Variants in GUCY2F observed in about 807,000 individuals in gnomAD.
The protein encoded by GUCY2F is guanylate cyclase 2F, retinal, also known as retinal guanylyl cyclase 2.
GUCY2F carries 61 observed loss-of-function variants against 73.1 expected under a neutral mutation model. The observed-to-expected ratio is 0.83, with a 90% CI of 0.68 to 1.03. The LOEUF (loss-of-function observed/expected upper bound fraction) is 1.03, where lower values mean the gene tolerates loss of function less well. GUCY2F is among the 50% of genes least tolerant of loss of function. The pLI is 0.00. For synonymous variants in GUCY2F, 331 were observed against 307.8 expected (o/e 1.08, Z -0.79); for missense variants, 912 against 854.3 (o/e 1.07, Z -0.84).
At chrX:109,390,430 T>C (rs1930533440) in intron 14 of GUCY2F, among the ~76,000 whole-genome samples, 1 of 112,012 alleles carries the variant, frequency 8.9e-6, no homozygotes, top group African/African-American at 3.2e-5. Flanking sequence ...AGTTTGGTCA[T>C]TTGCTGCTGG....
At chrX:109,400,225 G>A (rs565800951) in intron 10 of GUCY2F, among the ~76,000 whole-genome samples, 3 of 109,721 alleles carry the variant, frequency 2.7e-5, no homozygotes, top group African/African-American at 1.0e-4. Flanking sequence ...ATGGGGGTGG[G>A]GGTAGTAGCA....
At chrX:109,469,620 C>T in intron 2 of GUCY2F, among the ~76,000 whole-genome samples, 1 of 110,947 alleles carries the variant, frequency 9.0e-6, no homozygotes. Context: ...TTCATTTGAA[C>T]AGTTGCTAAC....
intron 10 of GUCY2F, among the ~76,000 whole-genome samples, chrX:109,403,611 T>G (rs981251293): frequency 2.7e-5 from 3 of 111,987 alleles, no homozygotes; most frequent in African/African-American, 9.7e-5. Context: ...TCCCCAAAAC[T>G]TTGGTAGTGC....
intron 2 of GUCY2F, among the ~76,000 whole-genome samples, chrX:109,470,366 C>T (rs930181992): frequency 1.8e-5 from 2 of 111,675 alleles, no homozygotes; most frequent in Non-Finnish European, 3.8e-5. Flanking sequence ...TTACATTATA[C>T]CAAATCCTAT....
chrX:109,427,290 G>T (rs1276007985), intron 8 of GUCY2F, among the ~76,000 whole-genome samples: 1 of 112,206 alleles, frequency 8.9e-6, no homozygotes, highest in Non-Finnish European at 1.9e-5. Context: ...TCTAACAACT[G>T]AGAATTTCCT....
chrX:109,391,742 A>G (rs1324800727), intron 14 of GUCY2F, among the ~76,000 whole-genome samples, 169 bp downstream of exon 14: 12 of 111,704 alleles, frequency 1.1e-4, no homozygotes, highest in Non-Finnish European at 3.8e-5. Flanking sequence ...CATGCATTCT[A>G]CCCGGCTCTC....
chrX:109,454,037 GT>G (rs112933565), intron 3 of GUCY2F, among the ~76,000 whole-genome samples, 178 bp from the exon 4 acceptor site: 4,015 of 108,315 alleles, frequency 0.037, 154 homozygotes, highest in African/African-American at 0.12. Flanking sequence ...GAATTTTTCT[GT>G]TTTTTTTTCC....
At chrX:109,431,064 G>A (rs1338530406) in intron 7 of GUCY2F, among the ~76,000 whole-genome samples, 1 of 110,628 alleles carries the variant, frequency 9.0e-6, no homozygotes, top group Non-Finnish European at 1.9e-5. Flanking sequence ...CTATTTTAAG[G>A]CTTCTGTCAA....
intron 10 of GUCY2F, among the ~76,000 whole-genome samples, chrX:109,403,724 T>C (rs887367103): frequency 3.6e-5 from 4 of 112,538 alleles, no homozygotes; most frequent in African/African-American, 1.3e-4. Context: ...CTGGTCTATG[T>C]GCATGCCACA....
chrX:109,425,369 A>G (rs1042960466), intron 8 of GUCY2F, among the ~76,000 whole-genome samples: 27 of 104,920 alleles, frequency 2.6e-4, no homozygotes, highest in Non-Finnish European at 3.3e-4. Context: ...GTGTGTGTGT[A>G]TAGATATGAT....
chrX:109,398,397 G>T, intron 11 of GUCY2F, 152 bp downstream of exon 11: 1 of 496,672 alleles, frequency 2.0e-6, no homozygotes. Flanking sequence ...AAGCTGTCTG[G>T]CTATAAGTCC....
At chrX:109,405,277 A>G (rs1194344955) in intron 9 of GUCY2F, among the ~76,000 whole-genome samples, 11 of 112,439 alleles carry the variant, frequency 9.8e-5, no homozygotes, top group Admixed American at 5.7e-4. Flanking sequence ...AATTGTTAGC[A>G]GTAGTTAACT....
At chrX:109,450,046 G>A (rs1233044552) in intron 5 of GUCY2F, among the ~76,000 whole-genome samples, 1 of 111,338 alleles carries the variant, frequency 9.0e-6, no homozygotes, top group Non-Finnish European at 1.9e-5. Flanking sequence ...GGCAGAGAGA[G>A]GGAGGAAGGC....
At chrX:109,427,577 T>TA (rs1931517839) in intron 8 of GUCY2F, among the ~76,000 whole-genome samples, 1 of 112,153 alleles carries the variant, frequency 8.9e-6, no homozygotes. Flanking sequence ...TGGATCCTGG[T>TA]ACCCAGCCCT....
At chrX:109,393,815 T>C (rs955816057) in intron 12 of GUCY2F, among the ~76,000 whole-genome samples, 1 of 112,479 alleles carries the variant, frequency 8.9e-6, no homozygotes, top group African/African-American at 3.2e-5. Context: ...TGTACTGCTA[T>C]AGTCAACATG....
intron 8 of GUCY2F, among the ~76,000 whole-genome samples, chrX:109,429,414 CAAA>C (rs60670014): frequency 4.8e-5 from 2 of 41,937 alleles, no homozygotes; most frequent in Non-Finnish European, 9.3e-5. Context: ...AATTCCAGCT[CAAA>C]AAAAAAAAAA....
chrX:109,480,727 C>G (rs1932759346), intron 1 of GUCY2F, among the ~76,000 whole-genome samples: 1 of 110,257 alleles, frequency 9.1e-6, no homozygotes, highest in African/African-American at 3.3e-5. Flanking sequence ...AAACATTTCC[C>G]AAGCTGAAGG....
chrX:109,453,430 G>A lies in GUCY2F; in HGVS notation c.1387+75C>T, dbSNP rs73639127. 0.048 allele frequency: 26,633 copies of A among 553,675 alleles called. 4,295 individuals carry two copies. The African/African-American group carries it at 0.51, about 11-fold the overall frequency. 45.6% of individuals were successfully genotyped at this position (553,675 alleles called of 1,213,427 possible). On this transcript the variant is annotated intron_variant, in intron 4 of 19. Coordinates refer to ENST00000218006, the MANE Select transcript of GUCY2F (RefSeq NM_001522.3). Reference sequence around the variant, plus strand: ...TTTATGAGTGTTTCAATATTAAAATGTGCCTTCTCCTAAAGAGGTTCCCTT... The same window carrying A: ...TTTATGAGTGTTTCAATATTAAAATATGCCTTCTCCTAAAGAGGTTCCCTT...
At chrX:109,386,874 C>G (rs910185370) in intron 15 of GUCY2F, among the ~76,000 whole-genome samples, 1 of 111,358 alleles carries the variant, frequency 9.0e-6, no homozygotes, top group South Asian at 3.8e-4. Context: ...AATGGTGAAC[C>G]CTACAAGAAG....
Sources: allele counts gnomAD v4.1 joint callset (sites outside exome capture counted in the v4.1 genomes callset), GRCh38; gene constraint gnomAD v4.1.1; transcripts MANE v1.5; gene names NCBI Gene and HGNC (gene_info 2026-07-23, HGNC 2026-07-21).